The following GRIK4 variants were observed in gnomAD, a reference collection of about 807,000 sequenced individuals.
The protein encoded by GRIK4 is glutamate ionotropic receptor kainate type subunit 4, also known as glutamate receptor ionotropic, kainate 4.
GRIK4 carries 40 observed loss-of-function variants against 104.9 expected under a neutral mutation model. The observed-to-expected ratio is 0.38, with a 90% CI of 0.30 to 0.50. GRIK4 has a LOEUF of 0.50. Ranked by LOEUF, GRIK4 falls within the 20% of genes least tolerant of loss-of-function variation. GRIK4 has a pLI of 0.93. For synonymous variants in GRIK4, 485 were observed against 524.9 expected, an observed-to-expected ratio of 0.92 and a Z score of 1.04; for missense variants, 1,047 against 1,308.1, an observed-to-expected ratio of 0.80 and a Z score of 3.08.
intron 3 of GRIK4, among the ~76,000 whole-genome samples, chr11:120,749,639 G>C (rs1190807540): frequency 6.6e-6 from 1 of 152,154 alleles, no homozygotes; most frequent in Non-Finnish European, 1.5e-5. Flanking sequence ...CAAGCACAAT[G>C]AGCACAGCCT....
chr11:120,640,067 C>T (rs78606713), intron 1 of GRIK4, among the ~76,000 whole-genome samples: 4,791 of 152,178 alleles, frequency 0.031, 246 homozygotes, highest in African/African-American at 0.11. Context: ...GGTCTTGATC[C>T]GGACCCCAAG....
At chr11:120,922,270 C>T (rs555346786) in intron 13 of GRIK4, among the ~76,000 whole-genome samples, 7 of 152,324 alleles carry the variant, frequency 4.6e-5, no homozygotes, top group African/African-American at 1.7e-4. Flanking sequence ...TTCAAGATCA[C>T]GTGGCTGGGA....
At position 120,785,816 on chromosome 11, in the gene GRIK4, G is replaced by A. The variant is rs553131914; in HGVS notation, c.83-16877G>A. ...TGTGCATGCCTCCGCGTCTCCATGCGCATCCTCCTGGTGGCTCTGTGCTCA... is the reference window on the plus strand; with the variant it reads ...TGTGCATGCCTCCGCGTCTCCATGCACATCCTCCTGGTGGCTCTGTGCTCA... On this transcript the variant is annotated intron_variant, in intron 3 of 20. Coordinates refer to ENST00000527524, the MANE Select transcript of GRIK4 (RefSeq NM_014619.5). Among the ~76,000 whole-genome samples the A allele has an allele frequency of 2.7e-4, 41 of 152,226 alleles. 2 individuals are homozygous for A. In the South Asian group the frequency reaches 3.3e-3, roughly 12 times the overall value.
chr11:120,876,505 T>A (rs1954825212), intron 11 of GRIK4, among the ~76,000 whole-genome samples: 2 of 149,526 alleles, frequency 1.3e-5, no homozygotes, highest in Non-Finnish European at 3.0e-5. Flanking sequence ...ACCACTGCGA[T>A]TGTCATCATC....
intron 1 of GRIK4, among the ~76,000 whole-genome samples, chr11:120,548,507 A>C (rs1948108534): frequency 6.6e-6 from 1 of 151,926 alleles, no homozygotes; most frequent in African/African-American, 2.4e-5. Flanking sequence ...TTGCAGGAGG[A>C]GCGGGAGGAG....
chr11:120,898,176 A>C (rs945451113), intron 11 of GRIK4, among the ~76,000 whole-genome samples: 3 of 152,232 alleles, frequency 2.0e-5, no homozygotes, highest in Non-Finnish European at 4.4e-5. Flanking sequence ...AGGCCGGATC[A>C]AAAGAACTCC....
intron 18 of GRIK4, 54 bp downstream of exon 18, chr11:120,962,735 G>T (rs760775732): frequency 4.7e-6 from 6 of 1,267,090 alleles, no homozygotes; most frequent in Non-Finnish European, 6.9e-6. Context: ...CAGGGTCAGG[G>T]TAGCTCAAAC....
At chr11:120,658,434 T>G (rs1196129141) in intron 2 of GRIK4, among the ~76,000 whole-genome samples, 1 of 152,174 alleles carries the variant, frequency 6.6e-6, no homozygotes, top group Non-Finnish European at 1.5e-5. Flanking sequence ...AGGCTAGATG[T>G]AAAGCTCTAG....
chr11:120,815,307 G>T, intron 4 of GRIK4, 71 bp from the exon 5 acceptor site: 1 of 844,048 alleles, frequency 1.2e-6, no homozygotes, highest in South Asian at 1.5e-5. Flanking sequence ...AAGAGGAGAG[G>T]ACTGGGCCAT....
intron 19 of GRIK4, among the ~76,000 whole-genome samples, chr11:120,974,606 T>C (rs556804225): frequency 7.7e-4 from 117 of 152,356 alleles, no homozygotes; most frequent in African/African-American, 2.6e-3. Flanking sequence ...AGCTCAAACA[T>C]TACTGCCAAA....
At chr11:120,708,393 T>G (rs1950665004) in intron 3 of GRIK4, among the ~76,000 whole-genome samples, 2 of 152,090 alleles carry the variant, frequency 1.3e-5, no homozygotes, top group Admixed American at 1.3e-4. Context: ...CACCTCTAGC[T>G]CAGCTCCACA....
chr11:120,672,652 T>A (rs1950039651), intron 3 of GRIK4, among the ~76,000 whole-genome samples: 1 of 152,206 alleles, frequency 6.6e-6, no homozygotes, highest in South Asian at 2.1e-4. Context: ...CACATCCCTC[T>A]AAAGTTGTAT....
chr11:120,847,710 A>G (rs370187144), intron 8 of GRIK4, among the ~76,000 whole-genome samples: 1 of 152,234 alleles, frequency 6.6e-6, no homozygotes. Context: ...ATTACTCCCC[A>G]TGGACAGCCA....
chr11:120,676,789 C>A (rs1160395987), intron 3 of GRIK4, among the ~76,000 whole-genome samples: 7 of 152,226 alleles, frequency 4.6e-5, no homozygotes, highest in Admixed American at 4.6e-4. Flanking sequence ...GACAAACAAA[C>A]CATGTCCAAA....
chr11:120,622,663 C>G (rs1419994465), intron 1 of GRIK4, among the ~76,000 whole-genome samples: 1 of 152,218 alleles, frequency 6.6e-6, no homozygotes, highest in Non-Finnish European at 1.5e-5. Flanking sequence ...TGGCTTAAAA[C>G]AGCAGACATT....
chr11:120,632,706 C>T (rs1213684360), intron 1 of GRIK4, among the ~76,000 whole-genome samples: 1 of 152,098 alleles, frequency 6.6e-6, no homozygotes, highest in Non-Finnish European at 1.5e-5. Flanking sequence ...AAGAGCACCC[C>T]CAGAACTGAG....
intron 11 of GRIK4, among the ~76,000 whole-genome samples, chr11:120,887,795 T>A (rs927785922): frequency 1.3e-5 from 2 of 152,224 alleles, no homozygotes; most frequent in Non-Finnish European, 2.9e-5. Context: ...ACAAACGTGA[T>A]GAGTGCTACA....
intron 3 of GRIK4, among the ~76,000 whole-genome samples, chr11:120,755,708 A>G (rs770161625): frequency 5.3e-5 from 8 of 152,046 alleles, no homozygotes; most frequent in Non-Finnish European, 8.8e-5. Flanking sequence ...TATTTAGGAA[A>G]AGAGCCTGCT....
intron 19 of GRIK4, among the ~76,000 whole-genome samples, chr11:120,979,194 C>T (rs967672490): frequency 2.8e-4 from 43 of 152,146 alleles, no homozygotes; most frequent in African/African-American, 9.9e-4. Flanking sequence ...TAAATGAAGA[C>T]ATGTTTAATT....
Sources: allele counts gnomAD v4.1 joint callset (sites outside exome capture counted in the v4.1 genomes callset), GRCh38; gene constraint gnomAD v4.1.1; transcripts MANE v1.5; gene names NCBI Gene and HGNC (gene_info 2026-07-23, HGNC 2026-07-21).